SIGLEC1: variants seen among roughly 807,000 people sequenced by gnomAD.
SIGLEC1 encodes sialic acid binding Ig like lectin 1.
SIGLEC1 carries 132 observed loss-of-function variants against 148.0 expected under a neutral mutation model. The ratio of observed to expected loss-of-function variants is 0.89; its 90% confidence interval spans 0.77 to 1.03. The LOEUF is 1.03. Ranked by LOEUF, SIGLEC1 falls within the 50% of genes least tolerant of loss-of-function variation. SIGLEC1 has a pLI of 0.00. For synonymous variants in SIGLEC1, 945 were observed against 969.0 expected, an observed-to-expected ratio of 0.98 and a Z score of 0.46; for missense variants, 2,253 against 2,271.4, an observed-to-expected ratio of 0.99 and a Z score of 0.16.
chr20:3,690,556 G>T (rs547895103), intron 18 of SIGLEC1, among the ~76,000 whole-genome samples: 1 of 152,254 alleles, frequency 6.6e-6, no homozygotes, highest in East Asian at 1.9e-4. Flanking sequence ...AGCCAGGAGC[G>T]TGCAGTCATC....
chr20:3,692,761 T>C lies in SIGLEC1; in HGVS notation c.3790A>G (p.Ile1264Val). 6.2e-7 allele frequency: 1 copy of C among 1,610,548 alleles called. No individual in the cohort carries two copies. ...LELRLEGVRV[I>V]LAPEAAVPEG... The stretch of plus-strand genomic sequence containing the variant: ...GGCACGGCAGCCTCCGGAGCCAGGA[T>C]CACCCGCACACCTGTGCCAAGGAGG... The change falls in exon 16 of 22, where the codon ATC becomes GTC. Residue 1264 changes from isoleucine to valine, a missense_variant. By Grantham distance (29) the Ile-to-Val change is conservative. Coordinates refer to ENST00000344754, the MANE Select transcript of SIGLEC1 (RefSeq NM_023068.4).
chr20:3,692,516 C>T lies in SIGLEC1; in HGVS notation c.4030+5G>A, dbSNP rs759153994. 16 of 1,585,140 alleles carry T rather than the reference C, an allele frequency of 1.0e-5. No individual in the cohort carries two copies. The highest frequency in any genetic ancestry group is 9.4e-5 in the African/African-American group (7 of 74,746). ...GGCAGCCCTGGCCAAGGACCCTCTGCTCACAGAGGACTTGCAGGGCAGCAG... is the reference window on the plus strand; with the variant it reads ...GGCAGCCCTGGCCAAGGACCCTCTGTTCACAGAGGACTTGCAGGGCAGCAG... On this transcript the variant is annotated splice_donor_5th_base_variant and intron_variant, in intron 16 of 21. Coordinates refer to ENST00000344754, the MANE Select transcript of SIGLEC1 (RefSeq NM_023068.4).
At position 3,697,523 on chromosome 20, in the gene SIGLEC1, TGG is replaced by T. The variant is rs372999189; in HGVS notation, c.2123-183_2123-182del. Among the ~76,000 whole-genome samples the T allele has an allele frequency of 2.6e-3, 400 of 152,164 alleles. 1 individual carries two copies. Among genetic ancestry groups the T allele is most frequent in the African/African-American group, 9.1e-3 (377 of 41,524 alleles). On this transcript the variant is annotated intron_variant, in intron 9 of 21. Transcript: ENST00000344754. ...TGGGCCCTGGGGACTGTGGGGGCCCTGGGCAGAGAGGGTTGCAGTACAGGGAA... is the reference window on the plus strand; with the variant it reads ...TGGGCCCTGGGGACTGTGGGGGCCCTGCAGAGAGGGTTGCAGTACAGGGAA...
rs897254661 is a variant in SIGLEC1 at position 3,691,820 on chromosome 20, G to A, written c.4330+83C>T. 27 of 1,464,818 alleles carry A rather than the reference G, an allele frequency of 1.8e-5. No homozygotes were observed. In the Middle Eastern group the frequency reaches 5.4e-4, roughly 29 times the overall value. 90.7% of individuals were successfully genotyped at this position (1,464,818 alleles called of 1,614,324 possible). A position where few individuals can be genotyped will look rare whatever the true frequency, so the allele number is the denominator to read the frequency against. On this transcript the variant is annotated intron_variant, in intron 17 of 21. Transcript: ENST00000344754. ...AGAGCTTTCTCAGACCAGACAGCCCGCTCTAGTGGGAGCTCCAGCCCCTCT... is the reference window on the plus strand; with the variant it reads ...AGAGCTTTCTCAGACCAGACAGCCCACTCTAGTGGGAGCTCCAGCCCCTCT...
In SIGLEC1 at chr20:3,701,366, A is replaced by T; in HGVS notation, c.1504T>A (p.Ser502Thr). The change falls in exon 7 of 22, where the codon TCC becomes ACC. Residue 502 changes from serine (S) to threonine (T), a missense_variant. Physicochemically the swap from Ser to Thr is moderately conservative, Grantham distance 58. Transcript: ENST00000344754. ...CCATTGGCATGGAAGTCCAGGGTGG[A>T]GGTTGCATTTCCAAGGGAGTTGGTG... is the stretch of plus-strand genomic sequence containing the variant. ...SATNSLGNATSTLDFHANAAR... is the reference protein window; with the variant it reads ...SATNSLGNATTTLDFHANAAR... 1.9e-6 allele frequency: 3 copies of T among 1,613,130 alleles called. No individual in the cohort carries two copies. The highest frequency in any genetic ancestry group is 1.7e-6 in the Non-Finnish European group (2 of 1,179,366).
rs1046933019 is a variant in SIGLEC1 at position 3,707,237 on chromosome 20, G to A, written c.-109C>T. On this transcript the variant is annotated splice_region_variant and 5_prime_UTR_variant, in exon 2 of 22. Coordinates refer to ENST00000344754, the MANE Select transcript of SIGLEC1 (RefSeq NM_023068.4). ...TCTGGGCACTTTAGCCCCAGCACCT[G>A]CTAGAAGTCCGAGCCTGTGTCCCCA... 2.1e-6 allele frequency: 2 copies of A among 936,558 alleles called. No homozygotes were observed. The highest frequency in any genetic ancestry group is 1.4e-5 in the South Asian group (1 of 72,892). 58.0% of individuals were successfully genotyped at this position (936,558 alleles called of 1,614,324 possible).
chr20:3,705,828 A>G lies in SIGLEC1; in HGVS notation c.622T>C (p.Trp208Arg). The change falls in exon 4 of 22, where the codon TGG (tryptophan) becomes CGG (arginine). Residue 208 changes from tryptophan (W) to arginine (R), a missense_variant. By Grantham distance (101) the Trp-to-Arg change is moderately radical (BLOSUM62 -3). Coordinates refer to ENST00000344754, the MANE Select transcript of SIGLEC1 (RefSeq NM_023068.4). Reference protein sequence around the residue: ...HLETLHMAMSWQDHGRILRCQ... With the variant: ...HLETLHMAMSRQDHGRILRCQ... ...CGCAGGATCCGGCCGTGGTCCTGCC[A>G]GGACATGGCCATGTGGAGGGTCTCC... The G allele has an allele frequency of 1.2e-6, 2 of 1,614,120 alleles. No homozygotes were observed. Among genetic ancestry groups the G allele is most frequent in the African/African-American group, 1.3e-5 (1 of 75,080 alleles).
rs1158083952 is a variant in SIGLEC1 at position 3,705,810 on chromosome 20, T to G, written c.640A>C (p.Ile214Leu). 1 of 1,613,966 alleles carries G rather than the reference T, an allele frequency of 6.2e-7. No homozygotes were observed. Among genetic ancestry groups the G allele is most frequent in the South Asian group, 1.1e-5 (1 of 91,078 alleles). The part of the protein sequence containing the change: ...MAMSWQDHGR[I>L]LRCQLSVANH... The stretch of plus-strand genomic sequence containing the variant: ...GCCACGGAGAGCTGGCAGCGCAGGA[T>G]CCGGCCGTGGTCCTGCCAGGACATG... The change falls in exon 4 of 22, where the codon ATC (isoleucine) becomes CTC (leucine). Residue 214 changes from isoleucine (I) to leucine (L), a missense_variant. Coordinates refer to ENST00000344754, the MANE Select transcript of SIGLEC1 (RefSeq NM_023068.4).
Position 3,706,564 on chromosome 20 carries a change from C to T in SIGLEC1, c.192G>A (p.Ser64=), listed in dbSNP as rs142103373. The change falls in exon 3 of 22, where the codon TCG becomes TCA. Residue 64 remains serine (S), a synonymous_variant. Transcript: ENST00000344754. ...GITAIWYYDY[S]GQRQVVSHSA... Reference sequence around the variant, plus strand: ...AGTGGCTCACCACCTGCCGCTGGCCCGAGTAGTCGTAGTACCAGATGGCCG... The same window carrying T: ...AGTGGCTCACCACCTGCCGCTGGCCTGAGTAGTCGTAGTACCAGATGGCCG... 3.8e-4 allele frequency: 616 copies of T among 1,612,792 alleles called. 2 individuals are homozygous for T. The African/African-American group carries it at 6.2e-3, about 16-fold the overall frequency.
chr20:3,688,687 C>G (rs1009209762), intron 21 of SIGLEC1, 68 bp from the exon 22 acceptor site: 1 of 1,289,638 alleles, frequency 7.8e-7, no homozygotes, highest in African/African-American at 1.5e-5. Context: ...AGGCCCCCAG[C>G]CTCAGGTGGG....
At chr20:3,709,226 T>A (rs1394784398) in intron 1 of SIGLEC1, among the ~76,000 whole-genome samples, 1 of 151,890 alleles carries the variant, frequency 6.6e-6, no homozygotes, top group Non-Finnish European at 1.5e-5. Flanking sequence ...AAAAAAACCA[T>A]GAAATCCAAC....
rs186450308 is a variant in SIGLEC1 at position 3,705,972 on chromosome 20, A to C, written c.478T>G (p.Cys160Gly). ...TGCAGGCATACGTAGGGAGTGGAGC[A>C]GTTGAAGTCCACCTCTGTGCCCTCG... ...LLEGTEVDFNCSTPYVCLQEQ... is the reference protein window; with the variant it reads ...LLEGTEVDFNGSTPYVCLQEQ... Residue 160 changes from cysteine to glycine, a missense_variant, in exon 4 of 22, where the codon TGC becomes GGC. Coordinates refer to ENST00000344754, the MANE Select transcript of SIGLEC1 (RefSeq NM_023068.4). The C allele has an allele frequency of 6.2e-7, 1 of 1,614,038 alleles. No individual in the cohort carries two copies. Among genetic ancestry groups the C allele is most frequent in the African/African-American group, 1.3e-5 (1 of 75,060 alleles).
chr20:3,706,736 G>A (rs988290675), intron 2 of SIGLEC1, 30 bp from the exon 3 acceptor site: 364 of 1,515,458 alleles, frequency 2.4e-4, no homozygotes, highest in Non-Finnish European at 3.1e-4. Context: ...GGGACAGAGG[G>A]GAGGGTGATA....
Position 3,701,404 on chromosome 20 carries a change from T to G in SIGLEC1, c.1466A>C (p.Tyr489Ser), listed in dbSNP as rs754746714. ...AAGGGAGTTGGTGGCTGAGCACTTG[T>G]ACTCCCCACTGTCAGTTTCCTCCAG... ...RDLEETDSGE[Y>S]KCSATNSLGN... The change falls in exon 7 of 22, where the codon TAC (tyrosine) becomes TCC (serine). Residue 489 changes from tyrosine (Y) to serine (S), a missense_variant. By Grantham distance (144) the Tyr-to-Ser change is moderately radical. Coordinates refer to ENST00000344754, the MANE Select transcript of SIGLEC1 (RefSeq NM_023068.4). The G allele has an allele frequency of 6.2e-7, 1 of 1,614,166 alleles. No individual in the cohort carries two copies. The highest frequency in any genetic ancestry group is 1.1e-5 in the South Asian group (1 of 91,086).
In SIGLEC1 at chr20:3,690,257, G is replaced by A; in HGVS notation, c.4599C>T (p.Pro1533=). Residue 1533 remains proline (P), a synonymous_variant, in exon 19 of 22, where the codon CCC becomes CCT. Transcript: ENST00000344754. ...APVMLRVLYP[P]KTPTMMVFVE... ...CGAAGACCATCATGGTGGGCGTCTT[G>A]GGAGGGTCTGTGGGGAGGAAGGGAG... The A allele has an allele frequency of 6.5e-7, 1 of 1,544,336 alleles. No homozygotes were observed. Among genetic ancestry groups the A allele is most frequent in the Non-Finnish European group, 8.7e-7 (1 of 1,143,830 alleles).
chr20:3,690,379 C>T (rs2088746871), intron 18 of SIGLEC1, 115 bp from the exon 19 acceptor site: 10 of 820,454 alleles, frequency 1.2e-5, no homozygotes, highest in Non-Finnish European at 1.9e-5. Flanking sequence ...AACCTATTTC[C>T]TCACTCCTTG....
At position 3,697,213 on chromosome 20, in the gene SIGLEC1, C is replaced by A. The variant is rs1600284532; in HGVS notation, c.2252G>T (p.Trp751Leu). The A allele has an allele frequency of 6.2e-7, 1 of 1,613,922 alleles. No individual in the cohort carries two copies. Among genetic ancestry groups the A allele is most frequent in the Non-Finnish European group, 8.5e-7 (1 of 1,180,040 alleles). ...NFSWFRNGVL[W>L]AQGPLETVTL... ...CACGGTCTCCAGGGGACCCTGGGCC[C>A]ACAGCACCCCATTTCGGAACCAGGA... is the stretch of plus-strand genomic sequence containing the variant. Residue 751 changes from tryptophan (W) to leucine (L), a missense_variant, in exon 10 of 22, where the codon TGG (tryptophan) becomes TTG (leucine). By Grantham distance (61) the Trp-to-Leu change is moderately conservative. Transcript: ENST00000344754.
chr20:3,688,511 T>A lies in SIGLEC1; in HGVS notation c.*49A>T, dbSNP rs1274725351. On this transcript the variant is annotated 3_prime_UTR_variant, in exon 22 of 22. Coordinates refer to ENST00000344754, the MANE Select transcript of SIGLEC1 (RefSeq NM_023068.4). ...CATTCACATTCATAGGCTGGAGTCA[T>A]CACAGATTCTGGCCACTTTCTCCTC... 4.1e-6 allele frequency: 6 copies of A among 1,451,478 alleles called. No homozygotes were observed. 89.9% of individuals were successfully genotyped at this position (1,451,478 alleles called of 1,614,324 possible).
rs1237343897 is a variant in SIGLEC1 at position 3,687,980 on chromosome 20, G to A, written c.*580C>T. On this transcript the variant is annotated 3_prime_UTR_variant, in exon 22 of 22. Coordinates refer to ENST00000344754, the MANE Select transcript of SIGLEC1 (RefSeq NM_023068.4). ...TGGCTGGAGGGCATGTGGACAAAGC[G>A]GGGCCATGGTGAGCCTCACAATCAA... 1.9e-5 allele frequency: 3 copies of A among 160,166 alleles called. No homozygotes were observed. Among genetic ancestry groups the A allele is most frequent in the Non-Finnish European group, 2.8e-5 (2 of 72,366 alleles). The allele number at this position is 160,166 out of a possible 1,614,324, so 9.9% of individuals were successfully genotyped here.
Sources: allele counts gnomAD v4.1 joint callset (sites outside exome capture counted in the v4.1 genomes callset), GRCh38; gene constraint gnomAD v4.1.1; transcripts MANE v1.5; gene names NCBI Gene and HGNC (gene_info 2026-07-23, HGNC 2026-07-21).